RIMS2: variants seen among roughly 807,000 people sequenced by gnomAD.
The protein encoded by RIMS2 is regulating synaptic membrane exocytosis protein 2.
RIMS2 carries 59 observed loss-of-function variants against 174.4 expected under a neutral mutation model. That is an observed-to-expected ratio of 0.34 (90% CI 0.27 to 0.42). RIMS2 has a LOEUF of 0.42. Among genes scored for constraint, RIMS2 ranks in the 10% least tolerant of loss-of-function variants. The probability of loss-of-function intolerance (pLI) is 1.00; values close to 1 mark genes in which losing one functional copy is unlikely to be tolerated. For missense variants in RIMS2, 1,620 were observed against 1,666.3 expected (o/e 0.97, Z 0.48); for synonymous variants, 606 against 572.5 (o/e 1.06, Z -0.84).
intron 1 of RIMS2, among the ~76,000 whole-genome samples, chr8:103,547,285 G>GT (rs761151378): frequency 3.3e-5 from 5 of 152,122 alleles, no homozygotes; most frequent in Non-Finnish European, 5.9e-5. Context: ...CTAGAGCTCT[G>GT]TATCTTGTCA....
At chr8:103,635,900 T>C (rs1476807206) in intron 1 of RIMS2, among the ~76,000 whole-genome samples, 1 of 151,870 alleles carries the variant, frequency 6.6e-6, no homozygotes, top group African/African-American at 2.4e-5. Context: ...CTCTTTTGGC[T>C]GGAGAGCTTG....
chr8:104,156,610 A>G (rs1447528081), intron 19 of RIMS2, among the ~76,000 whole-genome samples: 1 of 152,202 alleles, frequency 6.6e-6, no homozygotes, highest in Non-Finnish European at 1.5e-5. Flanking sequence ...ACCTTTAAAA[A>G]TATCTGCATA....
chr8:103,737,734 C>A (rs529863491), intron 2 of RIMS2, among the ~76,000 whole-genome samples: 6 of 152,086 alleles, frequency 3.9e-5, no homozygotes, highest in Admixed American at 2.0e-4. Context: ...CCTTTCCTAC[C>A]TAAAGGCATT....
At position 103,521,306 on chromosome 8, in the gene RIMS2, C is replaced by A. The variant is rs78340332; in HGVS notation, c.176+20244C>A. 4.0e-5 allele frequency among the ~76,000 whole-genome samples: 6 copies of A among 151,756 alleles called. No homozygotes were observed. The East Asian group carries it at 9.7e-4, about 24-fold the overall frequency. On this transcript the variant is annotated intron_variant, in intron 1 of 23. Coordinates refer to ENST00000504942, the Ensembl canonical transcript of RIMS2. ...ATAATAATAATAAAATTAAAAAAAACCAATAGTTTTTAAAATGAAAAAAGT... is the reference window on the plus strand; with the variant it reads ...ATAATAATAATAAAATTAAAAAAAAACAATAGTTTTTAAAATGAAAAAAGT...
At chr8:103,905,352 AT>A (rs2074148426) in intron 4 of RIMS2, among the ~76,000 whole-genome samples, 1 of 152,014 alleles carries the variant, frequency 6.6e-6, no homozygotes, top group Non-Finnish European at 1.5e-5. Context: ...AGATAATTTC[AT>A]CATATTTAGA....
At chr8:104,091,137 C>T (rs1353142476) in intron 19 of RIMS2, among the ~76,000 whole-genome samples, 1 of 151,672 alleles carries the variant, frequency 6.6e-6, no homozygotes. Flanking sequence ...AGCAATTGAT[C>T]CAAGATCACA....
chr8:103,760,886 TAATG>T (rs1236192798), intron 2 of RIMS2, among the ~76,000 whole-genome samples: 2 of 152,220 alleles, frequency 1.3e-5, no homozygotes, highest in Non-Finnish European at 2.9e-5. Flanking sequence ...AGTAAATAAA[TAATG>T]AATTGGTGTT....
intron 17 of RIMS2, among the ~76,000 whole-genome samples, chr8:103,999,630 G>A (rs1466253860): frequency 6.6e-6 from 1 of 151,612 alleles, no homozygotes; most frequent in Non-Finnish European, 1.5e-5. Context: ...AGACATTACT[G>A]ATTATAGACT....
intron 19 of RIMS2, among the ~76,000 whole-genome samples, chr8:104,112,368 T>TCATG (rs2098201843): frequency 6.6e-6 from 1 of 152,096 alleles, no homozygotes; most frequent in African/African-American, 2.4e-5. Context: ...ATTTTATAGC[T>TCATG]CATGCATATG....
chr8:103,783,267 C>CTTTTTTTTTT (rs58402080), intron 3 of RIMS2, among the ~76,000 whole-genome samples: 1 of 140,994 alleles, frequency 7.1e-6, no homozygotes, highest in Admixed American at 7.1e-5. Context: ...TTTTTCTTTT[C>CTTTTTTTTTT]TTTTTTTTTT....
rs140194470 is a variant in RIMS2 at position 103,706,352 on chromosome 8, G to C, written c.387+9056G>C. Among the ~76,000 whole-genome samples, 939 of 152,094 alleles carry C rather than the reference G, an allele frequency of 6.2e-3. 12 individuals are homozygous for C. The highest frequency in any genetic ancestry group is 0.021 in the African/African-American group (890 of 41,496). On this transcript the variant is annotated intron_variant, in intron 2 of 23. Transcript: ENST00000504942. ...ACTACATGCCACAATTACAGTTTTAGTGTAGTCTGAATTTGTCTGTGTAGT... is the reference window on the plus strand; with the variant it reads ...ACTACATGCCACAATTACAGTTTTACTGTAGTCTGAATTTGTCTGTGTAGT...
At chr8:103,614,564 T>C (rs7839383) in intron 1 of RIMS2, among the ~76,000 whole-genome samples, 27,717 of 152,266 alleles carry the variant, frequency 0.18, 2,772 homozygotes, top group African/African-American at 0.26. Context: ...TGTTGGAATT[T>C]GGTATTCATG....
intron 17 of RIMS2, among the ~76,000 whole-genome samples, chr8:104,012,354 CT>C (rs56206546): frequency 0.14 from 18,921 of 138,716 alleles, 1,527 homozygotes; most frequent in Non-Finnish European, 0.2. Context: ...TCCTTTTTTT[CT>C]TTTTTTTTTT....
chr8:103,950,464 G>A (rs1379781782), intron 14 of RIMS2, among the ~76,000 whole-genome samples: 4 of 151,862 alleles, frequency 2.6e-5, no homozygotes, highest in East Asian at 3.9e-4. Flanking sequence ...TTTATACCAC[G>A]GATGCAATGT....
At chr8:103,956,247 C>G (rs1432859694) in intron 14 of RIMS2, among the ~76,000 whole-genome samples, 1 of 152,136 alleles carries the variant, frequency 6.6e-6, no homozygotes, top group Non-Finnish European at 1.5e-5. Context: ...TTGGAAAAAA[C>G]TACTTTAAAT....
chr8:104,225,135 C>A (rs778419898), intron 19 of RIMS2, among the ~76,000 whole-genome samples: 1 of 152,068 alleles, frequency 6.6e-6, no homozygotes, highest in Non-Finnish European at 1.5e-5. Context: ...TATTATTAGT[C>A]CGGCACTGTT....
intron 3 of RIMS2, among the ~76,000 whole-genome samples, chr8:103,825,911 G>A (rs1254782876): frequency 6.6e-6 from 1 of 152,110 alleles, no homozygotes; most frequent in Non-Finnish European, 1.5e-5. Flanking sequence ...TTTTGGTGAT[G>A]CCATATGCTT....
At chr8:103,789,282 T>A (rs2154441673) in intron 3 of RIMS2, among the ~76,000 whole-genome samples, 1 of 152,206 alleles carries the variant, frequency 6.6e-6, no homozygotes, top group East Asian at 1.9e-4. Flanking sequence ...TATTCGGCCA[T>A]CTTGGCTCCT....
At chr8:103,604,458 C>G (rs2133891762) in intron 1 of RIMS2, among the ~76,000 whole-genome samples, 1 of 152,204 alleles carries the variant, frequency 6.6e-6, no homozygotes, top group Non-Finnish European at 1.5e-5. Flanking sequence ...GTTCTTTTGG[C>G]TTAGGATTGA....
Sources: gnomAD v4.1 joint callset for allele counts (sites outside exome capture counted in the v4.1 genomes callset) on GRCh38, gnomAD v4.1.1 for gene constraint, MANE v1.5 for transcripts, NCBI Gene and HGNC (gene_info 2026-07-23, HGNC 2026-07-21) for gene names.